IKBIP: variants seen among roughly 807,000 people sequenced by gnomAD.
IKBIP encodes the protein IKBKB interacting protein.
Under a neutral mutation model 31.0 loss-of-function variants are expected in IKBIP, and 28 were observed. The observed-to-expected ratio is 0.90, with a 90% confidence interval of 0.67 to 1.24. IKBIP has a LOEUF of 1.24. Among genes scored for constraint, IKBIP ranks in the 50% most tolerant of loss-of-function variants. The pLI is 0.00. For missense variants in IKBIP, 453 were observed against 441.9 expected, an observed-to-expected ratio of 1.03 and a Z score of -0.23; for synonymous variants, 164 against 160.3, an observed-to-expected ratio of 1.02 and a Z score of -0.17.
intron 2 of IKBIP, 85 bp from the exon 3 acceptor site, chr12:98,626,851 C>G (rs1376318073): frequency 2.0e-6 from 2 of 1,018,164 alleles, no homozygotes; most frequent in African/African-American, 1.6e-5. Flanking sequence ...AGGAGCATAA[C>G]ACATGCCACG....
chr12:98,615,972 ACTC>A (rs1288640929), intron 2 of IKBIP, among the ~76,000 whole-genome samples: 1 of 151,520 alleles, frequency 6.6e-6, no homozygotes, highest in Non-Finnish European at 1.5e-5. Flanking sequence ...AGTGCAGAAA[ACTC>A]CTTGACATAC....
chr12:98,642,989 G>C (rs1338078483), intron 1 of IKBIP, among the ~76,000 whole-genome samples: 1 of 145,242 alleles, frequency 6.9e-6, no homozygotes, highest in Non-Finnish European at 1.5e-5. Context: ...GTCTCGCTCT[G>C]TTGCCCAGGC....
chr12:98,630,917 A>G (rs1243367768), intron 2 of IKBIP, among the ~76,000 whole-genome samples: 1 of 136,592 alleles, frequency 7.3e-6, no homozygotes, highest in East Asian at 2.2e-4. Context: ...AAAAGACTGA[A>G]TATTTCTTTT....
At chr12:98,635,027 T>C (rs901662543) in intron 1 of IKBIP, among the ~76,000 whole-genome samples, 1 of 137,578 alleles carries the variant, frequency 7.3e-6, no homozygotes, top group Non-Finnish European at 1.6e-5. Context: ...TTTTTTTAGA[T>C]GGAGTTTTGC....
rs1278401495 is a variant in IKBIP, at chr12:98,626,551, G to C, written c.513C>G (p.Asp171Glu). ...RSLEEMNINT[D>E]IFKSEAKHIH... is the part of the protein sequence containing the mutation. ...TATGTTTTGCTTCTGATTTGAAAAT[G>C]TCTGTATTAATGTTCATTTCTTCTA... Residue 171 changes from aspartate (D) to glutamate (E), a missense_variant, in exon 3 of 3, where the codon GAC (aspartate) becomes GAG (glutamate). Coordinates refer to ENST00000299157, the MANE Select transcript of IKBIP (RefSeq NM_153687.4). The C allele has an allele frequency of 6.2e-7, 1 of 1,612,928 alleles. No homozygotes were observed. Among genetic ancestry groups the C allele is most frequent in the Non-Finnish European group, 8.5e-7 (1 of 1,179,482 alleles).
In IKBIP at chr12:98,614,213, A is replaced by ATATCCTGTTTTTCAGTT; in HGVS notation, c.408_424dup (p.Ile142LysfsTer8). ...AAGCGTCGTCAGACTGTTGTTCAGT[A>ATATCCTGTTTTTCAGTT]TATCCTGTTTTTCAGTTATCCTATT... On this transcript the variant is annotated frameshift_variant, in exon 3 of 3. Coordinates refer to the IKBIP transcript ENST00000342502. LOFTEE classifies it high-confidence loss of function. The ATATCCTGTTTTTCAGTT allele has an allele frequency of 6.2e-7, 1 of 1,613,906 alleles. No homozygotes were observed. The highest frequency in any genetic ancestry group is 8.5e-7 in the Non-Finnish European group (1 of 1,179,936).
exon 3 of IKBIP, chr12:98,614,136 C>A: frequency 6.2e-7 from 1 of 1,613,582 alleles, no homozygotes; most frequent in Non-Finnish European, 8.5e-7. Context: ...TTGAGACCAA[C>A]ATCTTTTGCC....
chr12:98,628,148 C>G (rs572592547), intron 2 of IKBIP, among the ~76,000 whole-genome samples: 1 of 152,288 alleles, frequency 6.6e-6, no homozygotes, highest in South Asian at 2.1e-4. Context: ...TAATACTGAA[C>G]AAGATACAAA....
At chr12:98,644,372 G>C in intron 1 of IKBIP, 151 bp downstream of exon 1, 2 of 695,972 alleles carry the variant, frequency 2.9e-6, no homozygotes, top group South Asian at 4.0e-5. Flanking sequence ...AACAAGGCTG[G>C]GCTGTTTCCT....
chr12:98,632,668 C>T (rs2097622092), intron 2 of IKBIP, among the ~76,000 whole-genome samples: 1 of 136,370 alleles, frequency 7.3e-6, no homozygotes, highest in Non-Finnish European at 1.5e-5. Flanking sequence ...GTTGCCCAGG[C>T]TGGAGTGCAG....
intron 2 of IKBIP, among the ~76,000 whole-genome samples, chr12:98,633,338 A>C (rs1185624156): frequency 6.6e-6 from 1 of 152,126 alleles, no homozygotes; most frequent in African/African-American, 2.4e-5. Flanking sequence ...AGTTACAAAA[A>C]TGTTTATTTG....
chr12:98,641,923 G>A (rs1452461357), intron 1 of IKBIP, among the ~76,000 whole-genome samples: 1 of 152,070 alleles, frequency 6.6e-6, no homozygotes, highest in Admixed American at 6.6e-5. Flanking sequence ...CCAAAGTGTT[G>A]GGATTATAGG....
In IKBIP at chr12:98,634,297, T is replaced by G. The variant is rs771553025; in HGVS notation, c.296A>C (p.Lys99Thr). Residue 99 changes from lysine to threonine, a missense_variant and splice_region_variant, in exon 2 of 3, where the codon AAG becomes ACG. Transcript: ENST00000299157. ...CCAGATAAGCCAATTAATGATTACC[T>G]TTTCTGAAATTAAACTGATTTTACT... Reference protein sequence around the residue: ...LQSKISLISEKLESTESILQE... With the variant: ...LQSKISLISETLESTESILQE... 31 of 1,435,180 alleles carry G rather than the reference T, an allele frequency of 2.2e-5. No homozygotes were observed. The South Asian group carries it at 3.6e-4, about 17-fold the overall frequency. 88.9% of individuals were successfully genotyped at this position (1,435,180 alleles called of 1,614,324 possible).
chr12:98,622,610 C>T (rs1238506013), downstream of IKBIP, among the ~76,000 whole-genome samples: 3 of 151,056 alleles, frequency 2.0e-5, no homozygotes. Flanking sequence ...TGGGGTAAGT[C>T]TACAAAGGAT....
At chr12:98,614,461 G>C (rs2097605182) in intron 2 of IKBIP, 2 of 560,224 alleles carry the variant, frequency 3.6e-6, no homozygotes. Flanking sequence ...GGCTTGTTCT[G>C]TTACCCAGGA....
At chr12:98,639,201 C>T (rs1375837734) in intron 1 of IKBIP, among the ~76,000 whole-genome samples, 1 of 152,118 alleles carries the variant, frequency 6.6e-6, no homozygotes, top group African/African-American at 2.4e-5. Flanking sequence ...TCAACAAGAC[C>T]AGCTATCTTT....
intron 2 of IKBIP, among the ~76,000 whole-genome samples, chr12:98,633,219 AC>A (rs1425715386): frequency 1.3e-5 from 2 of 152,154 alleles, no homozygotes; most frequent in African/African-American, 2.4e-5. Context: ...GAATAAATGA[AC>A]AAAAAGCCAT....
intron 2 of IKBIP, among the ~76,000 whole-genome samples, chr12:98,632,237 G>A (rs112902358): frequency 0.028 from 4,232 of 151,778 alleles, 206 homozygotes; most frequent in African/African-American, 0.095. Flanking sequence ...GGGAGGCAGA[G>A]GCAGAAAGGT....
At chr12:98,617,135 T>C (rs2097606719) in intron 2 of IKBIP, among the ~76,000 whole-genome samples, 1 of 152,218 alleles carries the variant, frequency 6.6e-6, no homozygotes, top group Non-Finnish European at 1.5e-5. Flanking sequence ...AGTATGTTGT[T>C]AGGCATGCAA....
Sources: gnomAD v4.1 joint callset for allele counts (sites outside exome capture counted in the v4.1 genomes callset) on GRCh38, gnomAD v4.1.1 for gene constraint, MANE v1.5 for transcripts, NCBI Gene and HGNC (gene_info 2026-07-23, HGNC 2026-07-21) for gene names.